Variants in ELN observed in about 807,000 individuals in gnomAD.
ELN encodes the protein elastin.
ELN carries 65 observed loss-of-function variants against 105.8 expected under a neutral mutation model. The observed-to-expected ratio is 0.61, with a 90% CI of 0.50 to 0.75. ELN has a LOEUF of 0.75. ELN is among the 30% of genes least tolerant of loss of function. The pLI is 0.00. For synonymous variants in ELN, 368 were observed against 389.2 expected (o/e 0.95, Z 0.64); for missense variants, 882 against 969.4 (o/e 0.91, Z 1.20).
intron 4 of ELN, 49 bp from the exon 5 acceptor site, chr7:74,041,167 T>C (rs782353240): frequency 1.2e-6 from 2 of 1,613,266 alleles, no homozygotes; most frequent in Non-Finnish European, 1.7e-6. Flanking sequence ...TTTCCCACTC[T>C]GGGCCTAGGA....
At chr7:74,028,386 TG>T in intron 1 of ELN, 117 bp downstream of exon 1, 1 of 1,227,714 alleles carries the variant, frequency 8.1e-7, no homozygotes, top group Non-Finnish European at 1.1e-6. Context: ...GGGTCCCAGG[TG>T]GGAGCCCCTC....
chr7:74,057,251 A>G, intron 21 of ELN: 1 of 782,914 alleles, frequency 1.3e-6, no homozygotes, highest in South Asian at 2.7e-5. Flanking sequence ...AAATAAAAAA[A>G]AAAGAAAAAG....
intron 1 of ELN, among the ~76,000 whole-genome samples, chr7:74,029,167 G>A (rs1341824280): frequency 6.6e-6 from 1 of 152,130 alleles, no homozygotes; most frequent in Non-Finnish European, 1.5e-5. Flanking sequence ...ACACTGGTGT[G>A]GACTGTCACT....
At chr7:74,032,006 C>T (rs1339551977) in intron 1 of ELN, among the ~76,000 whole-genome samples, 4 of 151,924 alleles carry the variant, frequency 2.6e-5, no homozygotes, top group African/African-American at 9.7e-5. Flanking sequence ...AGCAGATTCT[C>T]GATTGGAGGA....
At position 74,048,547 on chromosome 7, in the gene ELN, G is replaced by A. The variant is rs1554674001; in HGVS notation, c.790G>A (p.Ala264Thr). The change falls in exon 15 of 33, where the codon GCA (alanine) becomes ACA (threonine). Residue 264 changes from alanine to threonine, a missense_variant. Ala to Thr is a moderately conservative substitution (Grantham distance 58). Transcript: ENST00000252034. ...AGCAGCAGCGGCAGCTAAAGCAGCA[G>A]CAAAGTTCGGTGAGTGCCCCTGGAG... ...AAAAAAAKAA[A>T]KFGAGAAGVL... 3.1e-6 allele frequency: 5 copies of A among 1,613,970 alleles called. No homozygotes were observed. Among genetic ancestry groups the A allele is most frequent in the South Asian group, 1.1e-5 (1 of 91,080 alleles).
rs200965648 is a variant in ELN, at chr7:74,063,244, G to A, written c.1858+20G>A. ...TGGTGGGTGAGTTGAAACCCCAGGA[G>A]GGGCAGGGTGGGGAGGGAATCTAAC... is the stretch of plus-strand genomic sequence containing the variant. On this transcript the variant is annotated intron_variant, in intron 27 of 32. Transcript: ENST00000252034. This position sits in a 1 kb window ranked among gnomAD's most constrained non-coding sequence, Gnocchi z 4.1. 4.8e-4 allele frequency: 766 copies of A among 1,600,322 alleles called. 2 individuals carry two copies. The African/African-American group carries it at 9.0e-3, about 19-fold the overall frequency.
intron 11 of ELN, 32 bp downstream of exon 11, chr7:74,046,249 G>T: frequency 6.2e-7 from 1 of 1,614,084 alleles, no homozygotes; most frequent in Admixed American, 1.7e-5. Context: ...AAGCAGGGTG[G>T]CCAGCCAGGC....
intron 30 of ELN, 95 bp from the exon 31 acceptor site, chr7:74,065,849 T>C: frequency 6.2e-7 from 1 of 1,610,708 alleles, no homozygotes; most frequent in South Asian, 1.1e-5. Context: ...CTGAAGATCT[T>C]GTCTGGGACA....
intron 15 of ELN, 117 bp from the exon 16 acceptor site, chr7:74,051,633 C>A: frequency 8.7e-7 from 1 of 1,152,352 alleles, no homozygotes; most frequent in East Asian, 2.6e-5. Flanking sequence ...TGGAGACACC[C>A]GGGCCCCATT....
chr7:74,065,143 G>A (rs1797660350), intron 29 of ELN, among the ~76,000 whole-genome samples: 1 of 152,072 alleles, frequency 6.6e-6, no homozygotes, highest in Non-Finnish European at 1.5e-5. Flanking sequence ...CAGCTACTTG[G>A]GAGGCTGAGG....
chr7:74,044,737 C>T (rs371795949), intron 9 of ELN, among the ~76,000 whole-genome samples: 58 of 152,350 alleles, frequency 3.8e-4, no homozygotes, highest in African/African-American at 1.3e-3. Flanking sequence ...TCCCCCACTA[C>T]GCTGAAAGCC....
In ELN at chr7:74,065,994, G is replaced by A; in HGVS notation, c.2083G>A (p.Gly695Arg). 1 of 1,614,114 alleles carries A rather than the reference G, an allele frequency of 6.2e-7. No individual in the cohort carries two copies. Among genetic ancestry groups the A allele is most frequent in the Non-Finnish European group, 8.5e-7 (1 of 1,180,012 alleles). ...VLGGAGQFPLGGVAARPGFGL... is the reference protein window; with the variant it reads ...VLGGAGQFPLRGVAARPGFGL... ...AGGGGGTGCCGGGCAGTTCCCACTTGGAGGTAGGGGTGGCCAGCTCTGCTA... is the reference window on the plus strand; with the variant it reads ...AGGGGGTGCCGGGCAGTTCCCACTTAGAGGTAGGGGTGGCCAGCTCTGCTA... The change falls in exon 31 of 33, where the codon GGA (glycine) becomes AGA (arginine). Residue 695 changes from glycine to arginine, a missense_variant. By Grantham distance (125) the Gly-to-Arg change is moderately radical. Transcript: ENST00000252034.
intron 13 of ELN, 102 bp downstream of exon 13, chr7:74,047,818 C>A: frequency 6.5e-7 from 1 of 1,543,132 alleles, no homozygotes; most frequent in Non-Finnish European, 8.9e-7. Flanking sequence ...GAGCACCTCG[C>A]TGGGGCAGGG....
chr7:74,055,022 G>C (rs1265878788), intron 19 of ELN, among the ~76,000 whole-genome samples: 1 of 152,276 alleles, frequency 6.6e-6, no homozygotes, highest in Admixed American at 6.5e-5. Flanking sequence ...CTCTGGCCAA[G>C]GCCCTCTCAG....
At chr7:74,038,237 G>C (rs963035492) in intron 4 of ELN, among the ~76,000 whole-genome samples, 1 of 152,138 alleles carries the variant, frequency 6.6e-6, no homozygotes, top group Admixed American at 6.5e-5. Flanking sequence ...CCTGACTCCA[G>C]ATGGAGCACT....
chr7:74,061,698 G>T (rs782608191), intron 26 of ELN, among the ~76,000 whole-genome samples: 1 of 152,110 alleles, frequency 6.6e-6, no homozygotes, highest in African/African-American at 2.4e-5. Context: ...TCTAGGACAC[G>T]TTTATGACAG....
At chr7:74,059,581 G>C in intron 22 of ELN, 1 of 508,942 alleles carries the variant, frequency 2.0e-6, no homozygotes, top group Non-Finnish European at 3.6e-6. Flanking sequence ...CTACTCAGGA[G>C]GCTGAGGCAG....
At chr7:74,068,040 A>AAGCAGGGT (rs1798355524) in intron 32 of ELN, among the ~76,000 whole-genome samples, 1 of 151,644 alleles carries the variant, frequency 6.6e-6, no homozygotes, top group African/African-American at 2.4e-5. Flanking sequence ...TATCTGGCTC[A>AAGCAGGGT]AGCAGGGTTA....
intron 1 of ELN, among the ~76,000 whole-genome samples, chr7:74,034,455 T>A (rs1789458382): frequency 6.6e-6 from 1 of 152,032 alleles, no homozygotes; most frequent in South Asian, 2.1e-4. Flanking sequence ...CAGGGGCCTG[T>A]CATCCTAGCA....
Sources: allele counts gnomAD v4.1 joint callset (sites outside exome capture counted in the v4.1 genomes callset), GRCh38; gene constraint gnomAD v4.1.1; non-coding constraint Gnocchi (gnomAD v3.1); transcripts MANE v1.5; gene names NCBI Gene and HGNC (gene_info 2026-07-23, HGNC 2026-07-21).